The following CKAP5 variants were observed in gnomAD, a reference collection of about 807,000 sequenced individuals.
CKAP5 encodes cytoskeleton associated protein 5, also known as cytoskeleton-associated protein 5.
Under a neutral mutation model 232.8 loss-of-function variants are expected in CKAP5, and 27 were observed. The ratio of observed to expected loss-of-function variants is 0.12; its 90% confidence interval spans 0.09 to 0.16. The LOEUF (loss-of-function observed/expected upper bound fraction) is 0.16, where lower values mean the gene tolerates loss of function less well. Among genes scored for constraint, CKAP5 ranks in the 10% least tolerant of loss-of-function variants. The probability of loss-of-function intolerance (pLI) is 1.00; values close to 1 mark genes in which losing one functional copy is unlikely to be tolerated. For missense variants in CKAP5, 1,838 were observed against 2,424.7 expected, an observed-to-expected ratio of 0.76 and a Z score of 5.08; for synonymous variants, 785 against 841.1, an observed-to-expected ratio of 0.93 and a Z score of 1.16.
chr11:46,748,148 G>C (rs897326317), intron 42 of CKAP5, among the ~76,000 whole-genome samples: 1 of 152,144 alleles, frequency 6.6e-6, no homozygotes, highest in Non-Finnish European at 1.5e-5. Flanking sequence ...CAGGACCTCA[G>C]AGACCTTTAA....
At chr11:46,810,013 C>T in intron 5 of CKAP5, 139 bp from the exon 6 acceptor site, 1 of 834,728 alleles carries the variant, frequency 1.2e-6, no homozygotes, top group Non-Finnish European at 1.8e-6. Flanking sequence ...ACTCTGTCAC[C>T]CAGGCTGAAG....
At position 46,788,033 on chromosome 11, in the gene CKAP5, C is replaced by T. The variant is rs181336308; in HGVS notation, c.1968+648G>A. The stretch of plus-strand genomic sequence containing the variant: ...CTTAGGATTTTCTTAATCACATTTT[C>T]TCTCTAGCTTACTTTATTGTAAGAA... On this transcript the variant is annotated intron_variant, in intron 16 of 43. Coordinates refer to ENST00000529230, the MANE Select transcript of CKAP5 (RefSeq NM_001008938.4). 2.8e-3 allele frequency among the ~76,000 whole-genome samples: 421 copies of T among 152,330 alleles called. 2 individuals are homozygous for T. Among genetic ancestry groups the T allele is most frequent in the African/African-American group, 9.6e-3 (399 of 41,572 alleles).
chr11:46,763,217 A>G, intron 29 of CKAP5, 38 bp from the exon 30 acceptor site: 2 of 1,442,530 alleles, frequency 1.4e-6, no homozygotes, highest in Non-Finnish European at 1.9e-6. Context: ...ACAAATAAGA[A>G]TAATCAAAAT....
At chr11:46,803,250 C>T (rs1365496664) in intron 8 of CKAP5, among the ~76,000 whole-genome samples, 2 of 151,722 alleles carry the variant, frequency 1.3e-5, no homozygotes, top group Admixed American at 6.6e-5. Flanking sequence ...GGTGACAGAG[C>T]GAGACACTAT....
chr11:46,748,204 T>C (rs1816805029), intron 42 of CKAP5, among the ~76,000 whole-genome samples: 1 of 151,672 alleles, frequency 6.6e-6, no homozygotes, highest in Non-Finnish European at 1.5e-5. Context: ...CTCTGGAAAA[T>C]GTTTCATTAG....
intron 13 of CKAP5, among the ~76,000 whole-genome samples, chr11:46,793,693 C>T (rs890953021): frequency 2.6e-5 from 4 of 152,182 alleles, no homozygotes; most frequent in African/African-American, 9.7e-5. Context: ...GGGGCTGAGG[C>T]AGGCGGATCA....
intron 1 of CKAP5, among the ~76,000 whole-genome samples, chr11:46,844,888 T>A (rs1311685441): frequency 1.3e-5 from 2 of 152,004 alleles, no homozygotes; most frequent in Non-Finnish European, 1.5e-5. Context: ...ACTCCTGACC[T>A]CGTGATCCGC....
intron 1 of CKAP5, among the ~76,000 whole-genome samples, chr11:46,828,874 G>A (rs1237514535): frequency 6.6e-6 from 1 of 152,054 alleles, no homozygotes; most frequent in Non-Finnish European, 1.5e-5. Flanking sequence ...TGGCTTGGGA[G>A]GGGGATAAGA....
chr11:46,747,992 C>T (rs2065034725), intron 42 of CKAP5, among the ~76,000 whole-genome samples: 1 of 152,036 alleles, frequency 6.6e-6, no homozygotes, highest in Non-Finnish European at 1.5e-5. Flanking sequence ...CCCAGTGAGC[C>T]ATGATTGCGC....
Position 46,776,339 on chromosome 11 carries a change from T to C in CKAP5, c.2907A>G (p.Ala969=), listed in dbSNP as rs911408590. The C allele has an allele frequency of 1.2e-6, 2 of 1,613,874 alleles. No homozygotes were observed. Among genetic ancestry groups the C allele is most frequent in the Admixed American group, 1.7e-5 (1 of 59,984 alleles). The stretch of plus-strand genomic sequence containing the variant: ...GCCATTCCTTCATGCCAGTCTGTTC[T>C]GCCCAAGCATTCACAGTCGCTAGGG... The part of the protein sequence containing the change: ...AAALATVNAW[A]EQTGMKEWLE... The change falls in exon 24 of 44, where the codon GCA becomes GCG. Residue 969 remains alanine, a synonymous_variant. Coordinates refer to ENST00000529230, the MANE Select transcript of CKAP5 (RefSeq NM_001008938.4).
At chr11:46,816,161 T>A in intron 4 of CKAP5, 37 bp downstream of exon 4, 1 of 1,558,652 alleles carries the variant, frequency 6.4e-7, no homozygotes, top group South Asian at 1.1e-5. Context: ...GGTTGGGGAC[T>A]GCTGCTCTAG....
At chr11:46,806,577 C>T (rs923634381) in intron 8 of CKAP5, among the ~76,000 whole-genome samples, 2 of 152,166 alleles carry the variant, frequency 1.3e-5, no homozygotes, top group Non-Finnish European at 2.9e-5. Context: ...ATTTATTTTA[C>T]ACGAGTGTAA....
At chr11:46,757,341 A>C (rs982765775) in intron 35 of CKAP5, among the ~76,000 whole-genome samples, 1 of 150,806 alleles carries the variant, frequency 6.6e-6, no homozygotes, top group East Asian at 2.1e-4. Flanking sequence ...AAAAACACAA[A>C]AATTAGCTGG....
At position 46,832,841 on chromosome 11, in the gene CKAP5, C is replaced by G. The variant is rs1380949; in HGVS notation, c.-37-11573G>C. On this transcript the variant is annotated intron_variant, in intron 1 of 43. Transcript: ENST00000529230. Reference sequence around the variant, plus strand: ...GTGTAGTGGCATGCGCCTGTAGTCTCAGTTACTCAAGAGGCTGAGGTGGGA... The same window carrying G: ...GTGTAGTGGCATGCGCCTGTAGTCTGAGTTACTCAAGAGGCTGAGGTGGGA... 3.5e-3 allele frequency among the ~76,000 whole-genome samples: 528 copies of G among 152,120 alleles called. 2 individuals are homozygous for G. The highest frequency in any genetic ancestry group is 0.012 in the African/African-American group (510 of 41,510).
intron 23 of CKAP5, 127 bp from the exon 24 acceptor site, chr11:46,776,510 C>T: frequency 9.9e-6 from 6 of 604,520 alleles, no homozygotes; most frequent in Middle Eastern, 2.7e-4. Flanking sequence ...TACATGAAAC[C>T]ATCTTCTCTG....
intron 15 of CKAP5, 114 bp from the exon 16 acceptor site, chr11:46,788,887 T>G: frequency 1.4e-6 from 1 of 721,322 alleles, no homozygotes; most frequent in Non-Finnish European, 2.4e-6. Flanking sequence ...GGAATAGAAC[T>G]GAGGAGGGTT....
Position 46,770,041 on chromosome 11 carries a change from C to G in CKAP5, c.3244G>C (p.Ala1082Pro). 2 of 1,614,092 alleles carry G rather than the reference C, an allele frequency of 1.2e-6. No individual in the cohort carries two copies. Among genetic ancestry groups the G allele is most frequent in the Non-Finnish European group, 1.7e-6 (2 of 1,179,972 alleles). ...MLEKAKVNMP[A>P]KPAPPTKATS... is the part of the protein sequence containing the mutation. Reference sequence around the variant, plus strand: ...GCTTTAGTGGGTGGAGCAGGCTTGGCTGGCATGTTAACTTTGGCTTTCTCT... The same window carrying G: ...GCTTTAGTGGGTGGAGCAGGCTTGGGTGGCATGTTAACTTTGGCTTTCTCT... The change falls in exon 26 of 44, where the codon GCC becomes CCC. Residue 1082 changes from alanine to proline, a missense_variant. Physicochemically the swap from Ala to Pro is conservative, Grantham distance 27. This residue lies in a region of CKAP5 where 767 missense variants were observed against 954.6 expected (regional missense o/e 0.80). Coordinates refer to ENST00000529230, the MANE Select transcript of CKAP5 (RefSeq NM_001008938.4).
chr11:46,780,177 AT>A lies in CKAP5; in HGVS notation c.2433+16del. On this transcript the variant is annotated intron_variant, in intron 20 of 43. Transcript: ENST00000529230. Reference sequence around the variant, plus strand: ...CTCAAGTCCACTAACAGATTGTATCATTTGTGGAAATTCTACCTTCTCAAAT... The same window carrying A: ...CTCAAGTCCACTAACAGATTGTATCATTGTGGAAATTCTACCTTCTCAAAT... 6.2e-7 allele frequency: 1 copy of A among 1,613,576 alleles called. No individual in the cohort carries two copies. Among genetic ancestry groups the A allele is most frequent in the Non-Finnish European group, 8.5e-7 (1 of 1,179,624 alleles).
At chr11:46,752,219 C>CACATAT (rs1555160694) in intron 38 of CKAP5, among the ~76,000 whole-genome samples, 1 of 86,222 alleles carries the variant, frequency 1.2e-5, no homozygotes, top group Non-Finnish European at 2.6e-5. Context: ...CACACACACA[C>CACATAT]ACACACACAC....
Sources: allele counts gnomAD v4.1 joint callset (sites outside exome capture counted in the v4.1 genomes callset), GRCh38; gene constraint gnomAD v4.1.1; regional missense constraint gnomAD v4.1.1; transcripts MANE v1.5; gene names NCBI Gene and HGNC (gene_info 2026-07-23, HGNC 2026-07-21).